LRP1B: variants seen among roughly 807,000 people sequenced by gnomAD.
LRP1B encodes low-density lipoprotein receptor-related protein 1B.
In LRP1B, 217 loss-of-function variants were observed where a neutral mutation model predicts 556.6. The observed-to-expected ratio is 0.39, with a 90% CI of 0.35 to 0.44. The LOEUF (loss-of-function observed/expected upper bound fraction) is 0.44. LRP1B is among the 20% of genes least tolerant of loss of function. The probability of loss-of-function intolerance (pLI) is 1.00; values close to 1 mark genes in which losing one functional copy is unlikely to be tolerated. For synonymous variants in LRP1B, 2,047 were observed against 1,865.8 expected (o/e 1.10, Z -2.50); for missense variants, 5,053 against 5,620.8 (o/e 0.90, Z 3.23).
At chr2:140,510,938 T>C (rs1038718940) in intron 51 of LRP1B, among the ~76,000 whole-genome samples, 2 of 152,128 alleles carry the variant, frequency 1.3e-5, no homozygotes, top group African/African-American at 4.8e-5. Flanking sequence ...ATGTTTTGAA[T>C]GTTTTGTTTG....
At chr2:141,968,466 G>A (rs1701626658) in intron 1 of LRP1B, among the ~76,000 whole-genome samples, 1 of 151,190 alleles carries the variant, frequency 6.6e-6, no homozygotes, top group Admixed American at 6.6e-5. Context: ...GGCTAACTTG[G>A]CTTTCTAGAG....
At chr2:141,563,209 T>C (rs1338359809) in intron 2 of LRP1B, among the ~76,000 whole-genome samples, 3 of 152,150 alleles carry the variant, frequency 2.0e-5, no homozygotes, top group East Asian at 1.9e-4. Context: ...TCTAAACACA[T>C]TGTGGTTAAA....
chr2:140,736,676 T>C (rs1573642209), intron 35 of LRP1B, among the ~76,000 whole-genome samples: 1 of 152,302 alleles, frequency 6.6e-6, no homozygotes, highest in East Asian at 1.9e-4. Flanking sequence ...GCTAGCCATA[T>C]GTAGAAAGCC....
At chr2:140,766,503 G>A (rs62173564) in intron 35 of LRP1B, among the ~76,000 whole-genome samples, 75,920 of 151,586 alleles carry the variant, frequency 0.5, 19,360 homozygotes, top group East Asian at 0.75. Context: ...CCACCATCAT[G>A]ACCTTCATTA....
At chr2:140,485,715 G>A (rs766716511) in intron 58 of LRP1B, among the ~76,000 whole-genome samples, 191 bp from the exon 59 acceptor site, 4 of 151,820 alleles carry the variant, frequency 2.6e-5, no homozygotes, top group Admixed American at 6.6e-5. Flanking sequence ...GTGTAATTAG[G>A]TCCCTAGAAC....
rs769006338 is a variant in LRP1B, at chr2:140,315,006, C to T, written c.12734G>A (p.Gly4245Glu). ...ACAGTGGTTGACTTCACATCTTTCT[C>T]CTGAATAACTGGGCCAACAGTGACA... Reference protein sequence around the residue: ...LRCHCWPSYSGERCEVNHCSN... With the variant: ...LRCHCWPSYSEERCEVNHCSN... Residue 4245 changes from glycine to glutamate, a missense_variant, in exon 83 of 91, where the codon GGA becomes GAA. Coordinates refer to ENST00000389484, the MANE Select transcript of LRP1B (RefSeq NM_018557.3). The T allele has an allele frequency of 6.2e-7, 1 of 1,611,934 alleles. No homozygotes were observed.
intron 20 of LRP1B, among the ~76,000 whole-genome samples, chr2:140,926,496 T>C (rs1997076): frequency 0.26 from 40,015 of 151,684 alleles, 5,826 homozygotes; most frequent in African/African-American, 0.37. Context: ...TGTGTGCCAC[T>C]GCACCCAGCT....
intron 3 of LRP1B, among the ~76,000 whole-genome samples, chr2:141,408,059 T>C (rs985163309): frequency 6.6e-6 from 1 of 152,114 alleles, no homozygotes; most frequent in Non-Finnish European, 1.5e-5. Context: ...TTTACTTCTT[T>C]ACATCTGCAC....
At chr2:140,522,405 T>G (rs1690220278) in intron 49 of LRP1B, among the ~76,000 whole-genome samples, 3 of 151,836 alleles carry the variant, frequency 2.0e-5, no homozygotes, top group Admixed American at 1.3e-4. Flanking sequence ...CATACCAAAA[T>G]CTCTGAGATG....
At chr2:141,173,533 G>A (rs1320173089) in intron 7 of LRP1B, among the ~76,000 whole-genome samples, 1 of 152,046 alleles carries the variant, frequency 6.6e-6, no homozygotes, top group African/African-American at 2.4e-5. Flanking sequence ...GTGCTCTAGG[G>A]ATGACAAAGC....
At chr2:140,867,158 T>G (rs1692975688) in intron 27 of LRP1B, among the ~76,000 whole-genome samples, 1 of 151,670 alleles carries the variant, frequency 6.6e-6, no homozygotes, top group Admixed American at 6.6e-5. Context: ...CAAGATGGGG[T>G]TCACTGTTGA....
intron 1 of LRP1B, among the ~76,000 whole-genome samples, chr2:141,832,294 T>C (rs1697137124): frequency 6.7e-6 from 1 of 149,888 alleles, no homozygotes; most frequent in African/African-American, 2.5e-5. Flanking sequence ...TTGGTCTACT[T>C]GGTGGGCAAT....
intron 66 of LRP1B, among the ~76,000 whole-genome samples, chr2:140,435,605 A>T (rs1686141175): frequency 6.6e-6 from 1 of 151,932 alleles, no homozygotes; most frequent in African/African-American, 2.4e-5. Context: ...CTCATTGTGT[A>T]GGCTCCTTTT....
chr2:140,943,125 G>A (rs968809957), intron 20 of LRP1B, among the ~76,000 whole-genome samples: 22 of 152,072 alleles, frequency 1.4e-4, no homozygotes, highest in Non-Finnish European at 4.4e-5. Context: ...AAACAGCAGG[G>A]ATTGCTATTC....
intron 79 of LRP1B, among the ~76,000 whole-genome samples, chr2:140,329,899 CA>C (rs71408449): frequency 0.12 from 18,197 of 150,960 alleles, 1,124 homozygotes; most frequent in Middle Eastern, 0.15. Flanking sequence ...AAAACAAAAA[CA>C]AAAAAACTAC....
chr2:141,998,898 G>T (rs1296474135), intron 1 of LRP1B, among the ~76,000 whole-genome samples: 1 of 152,120 alleles, frequency 6.6e-6, no homozygotes, highest in Non-Finnish European at 1.5e-5. Flanking sequence ...GCTCTTATCA[G>T]ACCTAAAAAG....
chr2:141,691,404 C>G (rs1372610923), intron 2 of LRP1B, among the ~76,000 whole-genome samples: 6 of 129,410 alleles, frequency 4.6e-5, no homozygotes, highest in African/African-American at 1.8e-4. Context: ...CAGATGGAAA[C>G]AGAATTTTTC....
chr2:140,313,468 C>A (rs1684392232), intron 83 of LRP1B, among the ~76,000 whole-genome samples: 1 of 151,672 alleles, frequency 6.6e-6, no homozygotes, highest in South Asian at 2.1e-4. Context: ...GAGATTTATC[C>A]CTGAGATGCA....
chr2:141,021,027 A>C (rs1525600), intron 11 of LRP1B, among the ~76,000 whole-genome samples: 86,204 of 151,802 alleles, frequency 0.57, 24,814 homozygotes, highest in Admixed American at 0.64. Context: ...TGTTGCATGA[A>C]AAATGGCTGT....
Sources: allele counts gnomAD v4.1 joint callset (sites outside exome capture counted in the v4.1 genomes callset), GRCh38; gene constraint gnomAD v4.1.1; transcripts MANE v1.5; gene names NCBI Gene and HGNC (gene_info 2026-07-23, HGNC 2026-07-21).